Variants in CDC42BPB observed in about 807,000 individuals in gnomAD.
CDC42BPB encodes the protein CDC42 binding protein kinase beta.
Under a neutral mutation model 214.9 loss-of-function variants are expected in CDC42BPB, and 37 were observed. That is an observed-to-expected ratio of 0.17 (90% CI 0.13 to 0.23). CDC42BPB has a LOEUF of 0.23. CDC42BPB is among the 10% of genes least tolerant of loss of function. The pLI, the probability that CDC42BPB is intolerant of heterozygous loss-of-function variation, is 1.00. For missense variants in CDC42BPB, 1,694 were observed against 2,227.0 expected (o/e 0.76, Z 4.82); for synonymous variants, 931 against 884.0 (o/e 1.05, Z -0.94).
intron 1 of CDC42BPB, among the ~76,000 whole-genome samples, chr14:103,027,067 C>A (rs931731904): frequency 1.4e-4 from 21 of 152,106 alleles, no homozygotes; most frequent in African/African-American, 4.6e-4. Context: ...ATACAAATGC[C>A]CAATATGCAC....
intron 3 of CDC42BPB, among the ~76,000 whole-genome samples, chr14:103,006,405 A>T (rs1402667645): frequency 6.6e-6 from 1 of 152,248 alleles, no homozygotes; most frequent in African/African-American, 2.4e-5. Flanking sequence ...TGCCCAGAGC[A>T]TTTAGGAAAA....
rs892138575 is a variant in CDC42BPB at position 102,944,414 on chromosome 14, G to T, written c.3885C>A (p.Leu1295=). ...GCACATGGTGGTTCCGGCCACAGAG[G>T]AGGATTACGATCTTCTCCCTGGGAG... ...ELAPREKIVI[L]LCGRNHHVHL... The change falls in exon 30 of 37, where the codon CTC becomes CTA. Residue 1295 remains leucine (L), a synonymous_variant. Coordinates refer to ENST00000361246, the MANE Select transcript of CDC42BPB (RefSeq NM_006035.4). The surrounding 1 kb of genome is among the most constrained non-coding windows in gnomAD (Gnocchi z 6.6). The T allele has an allele frequency of 1.2e-6, 2 of 1,612,922 alleles. No homozygotes were observed. The highest frequency in any genetic ancestry group is 2.7e-5 in the African/African-American group (2 of 74,934).
chr14:103,032,933 TA>T (rs993368004), intron 1 of CDC42BPB, among the ~76,000 whole-genome samples: 422 of 141,202 alleles, frequency 3.0e-3, no homozygotes, highest in Non-Finnish European at 3.5e-3. Flanking sequence ...CCACTTTTTT[TA>T]AAAAAAAAAA....
chr14:102,997,858 C>T (rs1341136353), intron 5 of CDC42BPB, among the ~76,000 whole-genome samples: 2 of 152,162 alleles, frequency 1.3e-5, no homozygotes, highest in African/African-American at 2.4e-5. Flanking sequence ...ATCAGGATGA[C>T]GTGGAGCCGG....
rs1415616131 is a variant in CDC42BPB, at chr14:102,954,631, T to C, written c.2959A>G (p.Met987Val). ...QAPKPEASPS[M>V]SVAASEQQED... ...TGCTGCTCTGATGCAGCCACAGACA[T>C]CGACGGGGACGCTTCTGGCTTCGGA... The change falls in exon 22 of 37, where the codon ATG (methionine) becomes GTG (valine). Residue 987 changes from methionine to valine, a missense_variant. Coordinates refer to ENST00000361246, the MANE Select transcript of CDC42BPB (RefSeq NM_006035.4). 1.9e-6 allele frequency: 3 copies of C among 1,613,796 alleles called. No homozygotes were observed. Among genetic ancestry groups the C allele is most frequent in the Admixed American group, 3.3e-5 (2 of 60,002 alleles).
At chr14:102,950,861 G>A (rs1187905945) in intron 24 of CDC42BPB, 1 of 178,418 alleles carries the variant, frequency 5.6e-6, no homozygotes, top group Non-Finnish European at 1.1e-5. Context: ...AGCTACTCGG[G>A]AGGCTGAGGC....
Position 102,986,563 on chromosome 14 carries a change from T to C in CDC42BPB, c.614A>G (p.Asn205Ser), listed in dbSNP as rs1476567278. Residue 205 changes from asparagine to serine, a missense_variant, in exon 6 of 37, where the codon AAT (asparagine) becomes AGT (serine). Transcript: ENST00000361246. ...HYVHRDIKPD[N>S]VLLDVNGHIR... ...ATGACCATTCACGTCCAAAAGGACATTGTCAGGTTTAATGTCTCTGTTTGT... is the reference window on the plus strand; with the variant it reads ...ATGACCATTCACGTCCAAAAGGACACTGTCAGGTTTAATGTCTCTGTTTGT... The C allele has an allele frequency of 6.2e-7, 1 of 1,613,768 alleles. No individual in the cohort carries two copies. Among genetic ancestry groups the C allele is most frequent in the Non-Finnish European group, 8.5e-7 (1 of 1,179,900 alleles).
At chr14:102,965,921 C>T (rs1595474205) in intron 18 of CDC42BPB, among the ~76,000 whole-genome samples, 1 of 152,210 alleles carries the variant, frequency 6.6e-6, no homozygotes, top group South Asian at 2.1e-4. Flanking sequence ...CACGCCACTG[C>T]ACTCTAGCCT....
intron 1 of CDC42BPB, among the ~76,000 whole-genome samples, chr14:103,020,769 C>T (rs1441726799): frequency 6.6e-6 from 1 of 152,260 alleles, no homozygotes. Context: ...AGAGAGTTCA[C>T]AGCTCCAAAG....
intron 2 of CDC42BPB, 116 bp from the exon 3 acceptor site, chr14:103,008,671 C>A: frequency 6.8e-7 from 1 of 1,478,184 alleles, no homozygotes; most frequent in Non-Finnish European, 9.0e-7. Flanking sequence ...CCAGCAGTGA[C>A]CGAAAGCCAA....
intron 2 of CDC42BPB, among the ~76,000 whole-genome samples, chr14:103,010,814 G>A (rs746844380): frequency 9.9e-5 from 15 of 152,064 alleles, no homozygotes; most frequent in African/African-American, 3.4e-4. Flanking sequence ...GGCGGATCAC[G>A]AGGTCAGGAG....
intron 1 of CDC42BPB, among the ~76,000 whole-genome samples, chr14:103,055,078 T>C (rs1350066819): frequency 1.3e-5 from 2 of 152,262 alleles, no homozygotes; most frequent in African/African-American, 4.8e-5. Flanking sequence ...GTGCACCAAG[T>C]TGAACCTGAC....
At chr14:103,009,352 G>A (rs930939330) in intron 2 of CDC42BPB, among the ~76,000 whole-genome samples, 1 of 152,176 alleles carries the variant, frequency 6.6e-6, no homozygotes, top group Non-Finnish European at 1.5e-5. Context: ...GTGTTGAGCC[G>A]CGCATCCGCA....
chr14:103,057,432 C>G lies in CDC42BPB; in HGVS notation c.-259G>C. On this transcript the variant is annotated 5_prime_UTR_variant, in exon 1 of 37. Transcript: ENST00000361246. ...GGCGCCGCCGCCCTCCCAGCTCGGGCGGCCCGCCCCCGCCGCCCTCAGCCC... is the reference window on the plus strand; with the variant it reads ...GGCGCCGCCGCCCTCCCAGCTCGGGGGGCCCGCCCCCGCCGCCCTCAGCCC... 2 of 588,226 alleles carry G rather than the reference C, an allele frequency of 3.4e-6. No homozygotes were observed. Among genetic ancestry groups the G allele is most frequent in the Non-Finnish European group, 4.3e-6 (2 of 468,824 alleles). 36.4% of individuals were successfully genotyped at this position (588,226 alleles called of 1,614,324 possible). A position where few individuals can be genotyped will look rare whatever the true frequency, so the allele number is the denominator to read the frequency against.
At chr14:103,005,213 G>T (rs1325531392) in intron 3 of CDC42BPB, among the ~76,000 whole-genome samples, 2 of 150,396 alleles carry the variant, frequency 1.3e-5, no homozygotes, top group African/African-American at 4.9e-5. Context: ...ATTTTAACAT[G>T]ATTTCCTCTT....
chr14:102,935,764 CAAAA>C (rs55833197), intron 36 of CDC42BPB, among the ~76,000 whole-genome samples: 2 of 74,566 alleles, frequency 2.7e-5, no homozygotes, highest in Admixed American at 1.5e-4. Flanking sequence ...CACTCTGTCT[CAAAA>C]AAAAAAAAAA....
intron 1 of CDC42BPB, among the ~76,000 whole-genome samples, chr14:103,030,820 C>CA (rs1566914782): frequency 6.6e-6 from 1 of 152,130 alleles, no homozygotes; most frequent in Non-Finnish European, 1.5e-5. Flanking sequence ...CCCGTCTCTA[C>CA]AAAAAAATTC....
chr14:102,956,557 C>T (rs1449551171), intron 21 of CDC42BPB: 4 of 261,008 alleles, frequency 1.5e-5, no homozygotes, highest in Admixed American at 6.5e-5. Context: ...CGGCCAGGCA[C>T]GGTGGCTCAT....
rs555489963 is a variant in CDC42BPB, at chr14:102,959,034, C to T, written c.2901+597G>A. The stretch of plus-strand genomic sequence containing the variant: ...GCTACAGGCTGGGCGTGGTGGCTCA[C>T]GCCTGTAATCCCAGCACTCTGGGAG... On this transcript the variant is annotated intron_variant, in intron 21 of 36. Coordinates refer to ENST00000361246, the MANE Select transcript of CDC42BPB (RefSeq NM_006035.4). 1.1e-4 allele frequency among the ~76,000 whole-genome samples: 17 copies of T among 150,468 alleles called. No homozygotes were observed. The South Asian group carries it at 2.0e-3, about 17-fold the overall frequency.
Sources: gnomAD v4.1 joint callset for allele counts (sites outside exome capture counted in the v4.1 genomes callset) on GRCh38, gnomAD v4.1.1 for gene constraint, Gnocchi (gnomAD v3.1) non-coding constraint, MANE v1.5 for transcripts, NCBI Gene and HGNC (gene_info 2026-07-23, HGNC 2026-07-21) for gene names.